PDE3A: variants seen among roughly 807,000 people sequenced by gnomAD.
PDE3A encodes cGMP-inhibited 3',5'-cyclic phosphodiesterase 3A.
Under a neutral mutation model 98.3 loss-of-function variants are expected in PDE3A, and 43 were observed. The ratio of observed to expected loss-of-function variants is 0.44; its 90% CI spans 0.34 to 0.56. PDE3A has a LOEUF of 0.56. PDE3A is among the 20% of genes least tolerant of loss of function. The pLI, the probability that PDE3A is intolerant of heterozygous loss-of-function variation, is 0.01. For missense variants in PDE3A, 1,427 were observed against 1,440.7 expected (o/e 0.99, Z 0.15); for synonymous variants, 663 against 567.9 (o/e 1.17, Z -2.38).
At chr12:20,526,626 T>C (rs1946525914) in intron 1 of PDE3A, among the ~76,000 whole-genome samples, 1 of 152,146 alleles carries the variant, frequency 6.6e-6, no homozygotes. Flanking sequence ...GTATTTGCGA[T>C]AGAAAAGACT....
At chr12:20,546,780 G>A (rs1052445499) in intron 1 of PDE3A, among the ~76,000 whole-genome samples, 1 of 152,036 alleles carries the variant, frequency 6.6e-6, no homozygotes, top group Non-Finnish European at 1.5e-5. Flanking sequence ...ATATAAGGGT[G>A]TCTTTGTGGC....
chr12:20,371,638 A>G (rs1235623533), intron 1 of PDE3A, among the ~76,000 whole-genome samples: 1 of 152,164 alleles, frequency 6.6e-6, no homozygotes, highest in Non-Finnish European at 1.5e-5. Context: ...TGACAGCATC[A>G]TAGTCTGTTT....
In PDE3A at chr12:20,680,209, G is replaced by T; in HGVS notation, c.3364G>T (p.Glu1122Ter). 1.9e-6 allele frequency: 3 copies of T among 1,613,842 alleles called. No homozygotes were observed. The South Asian group carries it at 3.3e-5, about 18-fold the overall frequency. The change falls in exon 16 of 16, where the codon GAA becomes TAA. Residue 1122 changes from glutamate (E) to a stop codon, truncating the protein, a stop_gained. Transcript: ENST00000359062. LOFTEE classifies it high-confidence loss of function. The part of the protein sequence containing the change: ...SSEQIQAIKE[E>*]EEEKGKPRGE... Reference sequence around the variant, plus strand: ...AGAACAGATCCAGGCTATCAAGGAAGAAGAAGAAGAGAAAGGGAAACCAAG... The same window carrying T: ...AGAACAGATCCAGGCTATCAAGGAATAAGAAGAAGAGAAAGGGAAACCAAG...
At position 20,512,367 on chromosome 12, in the gene PDE3A, A is replaced by T. The variant is rs528062038; in HGVS notation, c.961-44293A>T. Among the ~76,000 whole-genome samples the T allele has an allele frequency of 5.9e-5, 9 of 152,234 alleles. 1 individual carries two copies. The East Asian group carries it at 1.5e-3, about 26-fold the overall frequency. On this transcript the variant is annotated intron_variant, in intron 1 of 15. Transcript: ENST00000359062. ...AAACAAAAAATCCGCTCTGCAAATT[A>T]TACACTCTTTAATTATTTTGAAGCT... is the stretch of plus-strand genomic sequence containing the variant.
At chr12:20,519,997 G>A (rs893389283) in intron 1 of PDE3A, among the ~76,000 whole-genome samples, 4 of 152,056 alleles carry the variant, frequency 2.6e-5, no homozygotes, top group African/African-American at 7.2e-5. Context: ...CAGCTGATTC[G>A]GATTTAAAGA....
At position 20,385,995 on chromosome 12, in the gene PDE3A, AAT is replaced by A. The variant is rs1311253635; in HGVS notation, c.960+15761_960+15762del. On this transcript the variant is annotated intron_variant, in intron 1 of 15. Coordinates refer to ENST00000359062, the MANE Select transcript of PDE3A (RefSeq NM_000921.5). ...AATTATTAATATATAATATATATAAAATATATATATAAATATATATAAAATAT... is the reference window on the plus strand; with the variant it reads ...AATTATTAATATATAATATATATAAAATATATATAAATATATATAAAATAT... Among the ~76,000 whole-genome samples the A allele has an allele frequency of 2.4e-3, 253 of 105,486 alleles. 3 individuals carry two copies. The highest frequency in any genetic ancestry group is 6.7e-3 in the African/African-American group (145 of 21,688). 69.2% of individuals were successfully genotyped at this position (105,486 alleles called of 152,430 possible).
chr12:20,601,789 A>G (rs1943599963), intron 2 of PDE3A, among the ~76,000 whole-genome samples: 1 of 152,050 alleles, frequency 6.6e-6, no homozygotes, highest in South Asian at 2.1e-4. Context: ...TTCTGTGAAA[A>G]AAAACTAAAT....
chr12:20,633,609 A>G, intron 6 of PDE3A, 84 bp from the exon 7 acceptor site: 1 of 619,074 alleles, frequency 1.6e-6, no homozygotes, highest in Non-Finnish European at 2.8e-6. Flanking sequence ...ATTGTTGTTT[A>G]TCTTAATGTA....
intron 6 of PDE3A, among the ~76,000 whole-genome samples, chr12:20,631,330 A>G (rs1944372133): frequency 6.6e-6 from 1 of 152,200 alleles, no homozygotes; most frequent in East Asian, 1.9e-4. Flanking sequence ...AATTCACAAC[A>G]CACATGGCTT....
chr12:20,662,223 A>G (rs1370626840), intron 15 of PDE3A, among the ~76,000 whole-genome samples: 1 of 152,202 alleles, frequency 6.6e-6, no homozygotes, highest in Non-Finnish European at 1.5e-5. Context: ...AGACAGGAAA[A>G]TATAGGAAAG....
At chr12:20,468,048 A>T (rs1361806907) in intron 1 of PDE3A, among the ~76,000 whole-genome samples, 1 of 138,698 alleles carries the variant, frequency 7.2e-6, no homozygotes, top group Non-Finnish European at 1.5e-5. Flanking sequence ...TTCTTTTTGT[A>T]GCCAGCTTTG....
rs1192179404 is a variant in PDE3A, at chr12:20,377,467, A to G, written c.960+7223A>G. ...CTTAAAGCACATTTCAGTTTGGCCTAGCCCCATTTCAAGTATTAAATAGAC... is the reference window on the plus strand; with the variant it reads ...CTTAAAGCACATTTCAGTTTGGCCTGGCCCCATTTCAAGTATTAAATAGAC... On this transcript the variant is annotated intron_variant, in intron 1 of 15. Transcript: ENST00000359062. 2.0e-5 allele frequency among the ~76,000 whole-genome samples: 3 copies of G among 151,800 alleles called. No homozygotes were observed. In the East Asian group the frequency reaches 5.8e-4, roughly 29 times the overall value.
intron 1 of PDE3A, among the ~76,000 whole-genome samples, chr12:20,467,900 A>G (rs1350377957): frequency 1.6e-5 from 2 of 122,822 alleles, no homozygotes; most frequent in Non-Finnish European, 3.2e-5. Flanking sequence ...GGGCCACTGC[A>G]CTCCAGCCTG....
chr12:20,659,161 AT>A (rs922226981), intron 15 of PDE3A, among the ~76,000 whole-genome samples: 12 of 151,550 alleles, frequency 7.9e-5, no homozygotes, highest in East Asian at 1.9e-4. Context: ...GAATATCATA[AT>A]TTTTTTTTCC....
At position 20,612,070 on chromosome 12, in the gene PDE3A, T is replaced by G. The variant is rs903267296; in HGVS notation, c.1012-1373T>G. On this transcript the variant is annotated intron_variant, in intron 2 of 15. Coordinates refer to ENST00000359062, the MANE Select transcript of PDE3A (RefSeq NM_000921.5). ...GAATATATACATTTAAGCTACTAAT[T>G]GATAGGCTTAGCAAAGTTTCCTGCC... Among the ~76,000 whole-genome samples, 3 of 151,928 alleles carry G rather than the reference T, an allele frequency of 2.0e-5. No individual in the cohort carries two copies. In the East Asian group the frequency reaches 5.8e-4, roughly 29 times the overall value.
chr12:20,655,433 G>A (rs1342338893), intron 15 of PDE3A, among the ~76,000 whole-genome samples: 2 of 152,134 alleles, frequency 1.3e-5, no homozygotes, highest in Non-Finnish European at 2.9e-5. Context: ...GGAGCAGCAA[G>A]ACAGAGGCAG....
At chr12:20,594,372 A>C (rs1428363552) in intron 2 of PDE3A, among the ~76,000 whole-genome samples, 1 of 152,186 alleles carries the variant, frequency 6.6e-6, no homozygotes, top group Non-Finnish European at 1.5e-5. Context: ...TGCTCATTGA[A>C]ACAATAGGGA....
chr12:20,662,984 A>G (rs7313955), intron 15 of PDE3A, among the ~76,000 whole-genome samples: 1 of 152,090 alleles, frequency 6.6e-6, no homozygotes, highest in Non-Finnish European at 1.5e-5. Flanking sequence ...CAGGCCCCAG[A>G]CCCTCTGCTG....
At chr12:20,616,145 T>G (rs1397306444) in intron 3 of PDE3A, 85 bp from the exon 4 acceptor site, 8 of 1,244,832 alleles carry the variant, frequency 6.4e-6, no homozygotes, top group Non-Finnish European at 8.9e-6. Context: ...CACTTCTAAT[T>G]AAAAGCTTGT....
Sources: gnomAD v4.1 joint callset for allele counts (sites outside exome capture counted in the v4.1 genomes callset) on GRCh38, gnomAD v4.1.1 for gene constraint, MANE v1.5 for transcripts, NCBI Gene and HGNC (gene_info 2026-07-23, HGNC 2026-07-21) for gene names.